VWA5A: variants seen among roughly 807,000 people sequenced by gnomAD.
VWA5A encodes the protein von Willebrand factor A domain containing 5A, also known as von Willebrand factor A domain-containing protein 5A.
A neutral mutation model predicts 84.6 loss-of-function variants in VWA5A; 77 were observed. That is an observed-to-expected ratio of 0.91 (90% CI 0.76 to 1.10). The LOEUF (loss-of-function observed/expected upper bound fraction) is 1.10, where lower values mean the gene tolerates loss of function less well. VWA5A is among the 50% of genes least tolerant of loss of function. The pLI is 0.00. For missense variants in VWA5A, 973 were observed against 963.0 expected (o/e 1.01, Z -0.14); for synonymous variants, 334 against 350.1 (o/e 0.95, Z 0.51).
At chr11:124,123,847 A>T in intron 10 of VWA5A, 43 bp downstream of exon 10, 4 of 1,526,474 alleles carry the variant, frequency 2.6e-6, no homozygotes, top group Non-Finnish European at 3.5e-6. Flanking sequence ...AGGAAGTGTG[A>T]AATCTCTAAG....
At chr11:124,135,522 CTTTTTTTTT>C (rs60188800) in intron 12 of VWA5A, among the ~76,000 whole-genome samples, 14 of 84,344 alleles carry the variant, frequency 1.7e-4, no homozygotes, top group Admixed American at 4.0e-4. Flanking sequence ...GGTGGTATTT[CTTTTTTTTT>C]TTTTTTTTTT....
At chr11:124,131,805 T>TA (rs1369143464) in intron 11 of VWA5A, among the ~76,000 whole-genome samples, 1 of 151,712 alleles carries the variant, frequency 6.6e-6, no homozygotes, top group Non-Finnish European at 1.5e-5. Flanking sequence ...TATTTTTTTT[T>TA]AAAAAATTTT....
chr11:124,119,199 T>G (rs1467061919), intron 7 of VWA5A, 110 bp downstream of exon 7: 2 of 946,484 alleles, frequency 2.1e-6, no homozygotes, highest in African/African-American at 1.6e-5. Flanking sequence ...GGTTAATACA[T>G]GTGAAACACT....
rs777139347 is a variant in VWA5A, at chr11:124,123,352, T to A, written c.931-14T>A. ...CCTCTCTCACTCTGTCTCTTCATAC[T>A]CTCTTACCTTCAGGAAACACTGATT... On this transcript the variant is annotated splice_polypyrimidine_tract_variant and intron_variant, in intron 8 of 18. Coordinates refer to ENST00000456829, the MANE Select transcript of VWA5A (RefSeq NM_001130142.2). 6.2e-7 allele frequency: 1 copy of A among 1,609,838 alleles called. No individual in the cohort carries two copies. Among genetic ancestry groups the A allele is most frequent in the East Asian group, 2.2e-5 (1 of 44,862 alleles).
In VWA5A at chr11:124,147,412, T is replaced by G. The variant is rs1455775280; in HGVS notation, c.*1467T>G. 1 of 152,198 alleles carries G rather than the reference T, an allele frequency of 6.6e-6. No individual in the cohort carries two copies. The highest frequency in any genetic ancestry group is 1.5e-5 in the Non-Finnish European group (1 of 68,030). The allele number at this position is 152,198 out of a possible 1,614,324, so 9.4% of individuals were successfully genotyped here. The stretch of plus-strand genomic sequence containing the variant: ...GAATTCCTAGAGGAACATCGGTGAC[T>G]TTTCACTCAGAAAGTGGGTGGACTA... On this transcript the variant is annotated 3_prime_UTR_variant, in exon 19 of 19. Coordinates refer to ENST00000456829, the MANE Select transcript of VWA5A (RefSeq NM_001130142.2).
At chr11:124,133,322 G>A (rs1865125195) in intron 11 of VWA5A, among the ~76,000 whole-genome samples, 1 of 152,184 alleles carries the variant, frequency 6.6e-6, no homozygotes, top group African/African-American at 2.4e-5. Flanking sequence ...TGTGGAAAGT[G>A]CAAATTGATA....
rs759021078 is a variant in VWA5A at position 124,123,706 on chromosome 11, A to T, written c.1066A>T (p.Arg356Ter). Residue 356 changes from arginine (R) to a stop codon, truncating the protein, a stop_gained, in exon 10 of 19, where the codon AGA becomes TGA. Coordinates refer to ENST00000456829, the MANE Select transcript of VWA5A (RefSeq NM_001130142.2). LOFTEE classifies it high-confidence loss of function. ...GCAAACAATGGAGGAGGCTCTGGGG[A>T]GAGTGAAGCTTATGCAGGCCGACCT... is the stretch of plus-strand genomic sequence containing the variant. ...TQQTMEEALG[R>*]VKLMQADLGG... The T allele has an allele frequency of 1.7e-4, 282 of 1,613,608 alleles. No individual in the cohort carries two copies. Among genetic ancestry groups the T allele is most frequent in the Non-Finnish European group, 2.3e-4 (273 of 1,179,916 alleles).
chr11:124,122,419 G>A lies in VWA5A; in HGVS notation c.761-541G>A, dbSNP rs566073326. Among the ~76,000 whole-genome samples, 9 of 152,252 alleles carry A rather than the reference G, an allele frequency of 5.9e-5. No individual in the cohort carries two copies. The South Asian group carries it at 6.2e-4, about 11-fold the overall frequency. ...TCCCTTTCTTCTGGGGACTATCAGCGAGTTATTCACACCCAAAGCAGACAG... is the reference window on the plus strand; with the variant it reads ...TCCCTTTCTTCTGGGGACTATCAGCAAGTTATTCACACCCAAAGCAGACAG... On this transcript the variant is annotated intron_variant, in intron 7 of 18. Transcript: ENST00000456829.
intron 11 of VWA5A, among the ~76,000 whole-genome samples, chr11:124,125,571 C>T (rs940295847): frequency 6.6e-6 from 1 of 152,184 alleles, no homozygotes; most frequent in Non-Finnish European, 1.5e-5. Flanking sequence ...GCGTGAGCCA[C>T]CGTGCCAGGC....
chr11:124,123,557 T>G (rs900410603), intron 9 of VWA5A, 103 bp downstream of exon 9: 32 of 1,608,560 alleles, frequency 2.0e-5, no homozygotes, highest in Admixed American at 3.4e-5. Context: ...CATTGGGGGT[T>G]TCGGATAAGA....
chr11:124,128,691 C>T (rs1865054507), intron 11 of VWA5A, among the ~76,000 whole-genome samples: 1 of 152,144 alleles, frequency 6.6e-6, no homozygotes, highest in African/African-American at 2.4e-5. Context: ...TTGAAGAGGT[C>T]CTTCACATCC....
At chr11:124,127,179 CT>C (rs1287676964) in intron 11 of VWA5A, among the ~76,000 whole-genome samples, 10 of 152,118 alleles carry the variant, frequency 6.6e-5, no homozygotes, top group Non-Finnish European at 2.9e-5. Context: ...CCCCCACCCC[CT>C]GACAGGCCCC....
chr11:124,132,245 A>G (rs1406609888), intron 11 of VWA5A, among the ~76,000 whole-genome samples: 1 of 152,006 alleles, frequency 6.6e-6, no homozygotes. Context: ...ATTCAGTTGG[A>G]TAATACTTTT....
At chr11:124,137,605 T>C (rs1255677300) in intron 15 of VWA5A, among the ~76,000 whole-genome samples, 1 of 152,222 alleles carries the variant, frequency 6.6e-6, no homozygotes, top group Non-Finnish European at 1.5e-5. Flanking sequence ...ATTCACCCAT[T>C]TAAAGTGTAC....
At chr11:124,129,203 T>G (rs1865062130) in intron 11 of VWA5A, among the ~76,000 whole-genome samples, 1 of 152,226 alleles carries the variant, frequency 6.6e-6, no homozygotes, top group African/African-American at 2.4e-5. Flanking sequence ...GTGTTGAATT[T>G]TATCGAGGGC....
intron 15 of VWA5A, among the ~76,000 whole-genome samples, chr11:124,137,550 A>G (rs1367437652): frequency 6.6e-6 from 1 of 152,176 alleles, no homozygotes; most frequent in Non-Finnish European, 1.5e-5. Context: ...CCTAATCTGA[A>G]GCTGATTTAT....
At chr11:124,122,225 A>G (rs544133132) in intron 7 of VWA5A, among the ~76,000 whole-genome samples, 3 of 152,324 alleles carry the variant, frequency 2.0e-5, no homozygotes, top group Admixed American at 2.0e-4. Flanking sequence ...TTCTCATTGC[A>G]TCTCTATCTC....
chr11:124,135,983 A>T, intron 12 of VWA5A, 146 bp from the exon 13 acceptor site: 1 of 828,548 alleles, frequency 1.2e-6, no homozygotes, highest in Non-Finnish European at 1.8e-6. Flanking sequence ...GCTTCTTCAT[A>T]TATAAAGCCC....
intron 18 of VWA5A, 51 bp from the exon 19 acceptor site, chr11:124,145,815 A>C: frequency 6.5e-7 from 1 of 1,533,522 alleles, no homozygotes; most frequent in Non-Finnish European, 8.8e-7. Flanking sequence ...GGTTTGGAGG[A>C]GCCTCTAATT....
Sources: gnomAD v4.1 joint callset for allele counts (sites outside exome capture counted in the v4.1 genomes callset) on GRCh38, gnomAD v4.1.1 for gene constraint, MANE v1.5 for transcripts, NCBI Gene and HGNC (gene_info 2026-07-23, HGNC 2026-07-21) for gene names.